Variants in PNPLA7 observed in about 807,000 individuals in gnomAD.
The protein encoded by PNPLA7 is patatin-like phospholipase domain-containing protein 7.
PNPLA7 carries 153 observed loss-of-function variants against 161.7 expected under a neutral mutation model. The observed-to-expected ratio is 0.95, with a 90% confidence interval of 0.83 to 1.08. The LOEUF (loss-of-function observed/expected upper bound fraction) is 1.08. Among genes scored for constraint, PNPLA7 ranks in the 50% least tolerant of loss-of-function variants. The pLI, the probability that PNPLA7 is intolerant of heterozygous loss-of-function variation, is 0.00. For missense variants in PNPLA7, 1,739 were observed against 1,856.6 expected (o/e 0.94, Z 1.16); for synonymous variants, 809 against 782.1 (o/e 1.03, Z -0.57).
At position 137,462,188 on chromosome 9, in the gene PNPLA7, G is replaced by A. The variant is rs1226785007; in HGVS notation, c.3636C>T (p.Asn1212=). 11 of 1,567,676 alleles carry A rather than the reference G, an allele frequency of 7.0e-6. No individual in the cohort carries two copies. The highest frequency in any genetic ancestry group is 1.4e-5 in the African/African-American group (1 of 73,700). ...SYSTLDFGKF[N]EICEVGYQHG... is the part of the protein sequence containing the mutation. Reference sequence around the variant, plus strand: ...GGTGGCCGGCACTCACGCAGATCTCGTTGAACTTGCCGAAGTCCAGGGTGC... The same window carrying A: ...GGTGGCCGGCACTCACGCAGATCTCATTGAACTTGCCGAAGTCCAGGGTGC... Residue 1212 remains asparagine (N), a synonymous_variant, in exon 31 of 35, where the codon AAC becomes AAT. Transcript: ENST00000406427.
chr9:137,479,540 C>G (rs1344151700), intron 23 of PNPLA7: 1 of 1,113,718 alleles, frequency 9.0e-7, no homozygotes, highest in Admixed American at 4.9e-5. Context: ...AGGTATTTTG[C>G]AAACAAACTC....
At chr9:137,475,065 G>A (rs185822807) in intron 25 of PNPLA7, among the ~76,000 whole-genome samples, 6 of 150,562 alleles carry the variant, frequency 4.0e-5, no homozygotes, top group Non-Finnish European at 8.9e-5. Flanking sequence ...CAGATAAGAG[G>A]GAGGTAAACA....
intron 11 of PNPLA7, among the ~76,000 whole-genome samples, chr9:137,517,273 T>A (rs377731762): frequency 5.3e-4 from 26 of 48,842 alleles, no homozygotes; most frequent in East Asian, 2.0e-3. Context: ...ACTCCATCCC[T>A]CACTCACTCA....
At chr9:137,463,565 G>T in intron 28 of PNPLA7, 34 bp from the exon 29 acceptor site, 1 of 1,494,360 alleles carries the variant, frequency 6.7e-7, no homozygotes, top group Non-Finnish European at 9.1e-7. Context: ...TGGTTACCCG[G>T]AGGAGGCTCC....
intron 25 of PNPLA7, among the ~76,000 whole-genome samples, chr9:137,477,189 A>T (rs1831979159): frequency 6.6e-6 from 1 of 152,216 alleles, no homozygotes; most frequent in Admixed American, 6.5e-5. Flanking sequence ...AGAGGGGCAC[A>T]TGCCTGTCCC....
chr9:137,471,574 G>T (rs919485158), intron 25 of PNPLA7, among the ~76,000 whole-genome samples: 1 of 149,128 alleles, frequency 6.7e-6, no homozygotes, highest in African/African-American at 2.5e-5. Context: ...CTCCAGCCTG[G>T]GTAACAGAGC....
At chr9:137,503,825 GAAGA>G (rs1350128396) in intron 14 of PNPLA7, among the ~76,000 whole-genome samples, 1 of 4,564 alleles carries the variant, frequency 2.2e-4, no homozygotes, top group East Asian at 6.1e-3. Flanking sequence ...GATGAAGGAA[GAAGA>G]AAGAAGCAAG....
In PNPLA7 at chr9:137,506,013, G is replaced by C. The variant is rs754536546; in HGVS notation, c.1296C>G (p.Asp432Glu). ...CDRARVFLHS[D>E]EHPGSSVASK... ...TGGCCACGGAGCTCCCGGGGTGCTC[G>C]TCCGAGTGCAGGAAGACCCTGGCAC... is the stretch of plus-strand genomic sequence containing the variant. The change falls in exon 13 of 35, where the codon GAC becomes GAG. Residue 432 changes from aspartate to glutamate, a missense_variant. This residue lies in a region of PNPLA7 where 481 missense variants were observed against 450.0 expected (regional missense o/e 1.07). Coordinates refer to ENST00000406427, the MANE Select transcript of PNPLA7 (RefSeq NM_001098537.3). 1 of 1,612,626 alleles carries C rather than the reference G, an allele frequency of 6.2e-7. No homozygotes were observed. Among genetic ancestry groups the C allele is most frequent in the South Asian group, 1.1e-5 (1 of 90,846 alleles).
At chr9:137,515,804 T>TC (rs1224994600) in intron 11 of PNPLA7, among the ~76,000 whole-genome samples, 1 of 34,140 alleles carries the variant, frequency 2.9e-5, no homozygotes, top group African/African-American at 1.3e-4. Flanking sequence ...TTCCCCCAAA[T>TC]CCCCCCTCCC....
At chr9:137,504,035 G>GGAAGAAGAAAGAAGAAGGAA (rs1448011945) in intron 14 of PNPLA7, among the ~76,000 whole-genome samples, 9 of 101,462 alleles carry the variant, frequency 8.9e-5, no homozygotes, top group East Asian at 3.2e-4. Flanking sequence ...GGAGGAGGAA[G>GGAAGAAGAAAGAAGAAGGAA]GAAGAAGAAA....
chr9:137,507,858 T>C (rs898993056), intron 12 of PNPLA7, among the ~76,000 whole-genome samples: 1 of 151,772 alleles, frequency 6.6e-6, no homozygotes, highest in Non-Finnish European at 1.5e-5. Flanking sequence ...GTTTGAGGCC[T>C]GGACAACATA....
chr9:137,515,439 G>C lies in PNPLA7; in HGVS notation c.1165C>G (p.Gln389Glu), dbSNP rs3750378. Residue 389 changes from glutamine (Q) to glutamate (E), a missense_variant, in exon 12 of 35, where the codon CAG (glutamine) becomes GAG (glutamate). By Grantham distance (29) the Gln-to-Glu change is conservative (BLOSUM62 2). This residue lies in a region of PNPLA7 where 481 missense variants were observed against 450.0 expected (regional missense o/e 1.07). Transcript: ENST00000406427. ...HSVPAPSIRK[Q>E]ILEELEKPGA... ...GGCTTCTCCAGCTCCTCCAAGATCT[G>C]TTTGCGAATGGAAGGCGCGGGGACG... 0.015 allele frequency: 24,144 copies of C among 1,602,144 alleles called. 2,103 individuals are homozygous for C. In the African/African-American group the frequency reaches 0.22, roughly 15 times the overall value.
At chr9:137,521,611 G>C in intron 10 of PNPLA7, 25 bp downstream of exon 10, 1 of 1,609,724 alleles carries the variant, frequency 6.2e-7, no homozygotes, top group Non-Finnish European at 8.5e-7. Flanking sequence ...GCAGCATGGG[G>C]CTTTGTGAGG....
At chr9:137,503,065 C>A (rs1376334620) in intron 14 of PNPLA7, among the ~76,000 whole-genome samples, 1 of 151,826 alleles carries the variant, frequency 6.6e-6, no homozygotes, top group Non-Finnish European at 1.5e-5. Context: ...TTGAATTTCC[C>A]ATAATTAAAA....
At chr9:137,505,836 G>C in intron 13 of PNPLA7, 76 bp from the exon 14 acceptor site, 1 of 1,578,654 alleles carries the variant, frequency 6.3e-7, no homozygotes, top group South Asian at 1.1e-5. Context: ...GGTCAGGTCT[G>C]AATCGCACAG....
Position 137,519,940 on chromosome 9 carries a change from C to T in PNPLA7, c.1061G>A (p.Arg354Gln), listed in dbSNP as rs775309090. 2.3e-5 allele frequency: 37 copies of T among 1,612,526 alleles called. No individual in the cohort carries two copies. The highest frequency in any genetic ancestry group is 5.3e-5 in the African/African-American group (4 of 74,886). ...ACCTGAGTCACAGGACTCCTGGAGC[C>T]GCGGTGGCTTTTTAAGCCGCTCTTC... is the stretch of plus-strand genomic sequence containing the variant. ...GEEERLKKPP[R>Q]LQESCDSDHG... The change falls in exon 11 of 35, where the codon CGG (arginine) becomes CAG (glutamine). Residue 354 changes from arginine (R) to glutamine (Q), a missense_variant. By Grantham distance (43) the Arg-to-Gln change is conservative. This residue lies in a region of PNPLA7 where 481 missense variants were observed against 450.0 expected (regional missense o/e 1.07). Transcript: ENST00000406427.
intron 21 of PNPLA7, among the ~76,000 whole-genome samples, chr9:137,483,208 C>A (rs574025262): frequency 6.6e-6 from 1 of 152,006 alleles, no homozygotes; most frequent in Admixed American, 6.6e-5. Flanking sequence ...ATTTATGTGA[C>A]GTGGGACAGC....
intron 20 of PNPLA7, among the ~76,000 whole-genome samples, chr9:137,488,682 C>T (rs545718555): frequency 2.0e-5 from 3 of 152,188 alleles, no homozygotes; most frequent in Non-Finnish European, 4.4e-5. Flanking sequence ...CCTCTAGGGA[C>T]ACTGACTGGC....
At chr9:137,522,668 G>T in intron 9 of PNPLA7, 61 bp downstream of exon 9, 1 of 1,589,516 alleles carries the variant, frequency 6.3e-7, no homozygotes. Context: ...CCAAACCAGT[G>T]CCCAGGCCCC....
Sources: allele counts gnomAD v4.1 joint callset (sites outside exome capture counted in the v4.1 genomes callset), GRCh38; gene constraint gnomAD v4.1.1; regional missense constraint gnomAD v4.1.1; transcripts MANE v1.5; gene names NCBI Gene and HGNC (gene_info 2026-07-23, HGNC 2026-07-21).